KMT2A: variants seen among roughly 807,000 people sequenced by gnomAD.
The protein encoded by KMT2A is histone-lysine N-methyltransferase 2A.
In KMT2A, 16 loss-of-function variants were observed where a neutral mutation model predicts 345.3. That is an observed-to-expected ratio of 0.05 (90% CI 0.03 to 0.07). KMT2A has a LOEUF of 0.07. KMT2A is among the 10% of genes least tolerant of loss of function. The pLI, the probability that KMT2A is intolerant of heterozygous loss-of-function variation, is 1.00. For synonymous variants in KMT2A, 1,599 were observed against 1,778.6 expected, an observed-to-expected ratio of 0.90 and a Z score of 2.54; for missense variants, 3,272 against 4,841.6, an observed-to-expected ratio of 0.68 and a Z score of 9.62.
intron 10 of KMT2A, among the ~76,000 whole-genome samples, chr11:118,485,541 G>C (rs1236600877): frequency 6.6e-6 from 1 of 152,182 alleles, no homozygotes; most frequent in Non-Finnish European, 1.5e-5. Flanking sequence ...GGGACTTTCT[G>C]TTGGTGGAAA....
In KMT2A at chr11:118,483,490, G is replaced by A. The variant is rs891411196; in HGVS notation, c.4087-693G>A. Among the ~76,000 whole-genome samples the A allele has an allele frequency of 8.9e-4, 135 of 152,140 alleles. 1 individual carries two copies. Among genetic ancestry groups the A allele is most frequent in the African/African-American group, 3.0e-3 (125 of 41,524 alleles). On this transcript the variant is annotated intron_variant, in intron 8 of 35. Transcript: ENST00000534358. The stretch of plus-strand genomic sequence containing the variant: ...GGAGCCTGCAGTGAGCCGAGATCGC[G>A]CCACTGCACTCCAGCTTGGGTGACA...
At position 118,436,809 on chromosome 11, in the gene KMT2A, C is replaced by G. The variant is rs782496408; in HGVS notation, c.297C>G (p.Ala99=). ...CTTCGTCTTCGTCATCGTCCTCAGC[C>G]TCTTCAGGGCCGGCCCTGCTCCGGG... ...ASSSSSSSSS[A]SSGPALLRVG... Residue 99 remains alanine (A), a synonymous_variant, in exon 1 of 36, where the codon GCC becomes GCG. Transcript: ENST00000534358. The surrounding 1 kb of genome is among the most constrained non-coding windows in gnomAD (Gnocchi z 6.9). 5 of 1,609,530 alleles carry G rather than the reference C, an allele frequency of 3.1e-6. No homozygotes were observed. The East Asian group carries it at 1.1e-4, about 36-fold the overall frequency.
intron 11 of KMT2A, 41 bp downstream of exon 11, chr11:118,488,801 T>G: frequency 6.3e-7 from 1 of 1,599,306 alleles, no homozygotes; most frequent in Admixed American, 1.7e-5. Flanking sequence ...GGCCTCTGTA[T>G]CAGTGGGTTC....
chr11:118,454,565 T>C (rs1324025601), intron 1 of KMT2A, among the ~76,000 whole-genome samples: 1 of 152,236 alleles, frequency 6.6e-6, no homozygotes, highest in Non-Finnish European at 1.5e-5. Context: ...AAAGCAACCA[T>C]AGGCAATACA....
Position 118,502,307 on chromosome 11 carries a change from T to C in KMT2A, c.6506-91T>C, listed in dbSNP as rs1950512907. On this transcript the variant is annotated intron_variant, in intron 26 of 35. Coordinates refer to ENST00000534358, the MANE Select transcript of KMT2A (RefSeq NM_001197104.2). This position sits in a 1 kb window ranked among gnomAD's most constrained non-coding sequence, Gnocchi z 4.9. ...GTAGATTTCCAGTTACCTATAAATA[T>C]ATATATATATAGTCAAATCATTGAA... 13 of 674,208 alleles carry C rather than the reference T, an allele frequency of 1.9e-5. No homozygotes were observed. Among genetic ancestry groups the C allele is most frequent in the Non-Finnish European group, 3.0e-5 (13 of 430,880 alleles). 41.8% of individuals were successfully genotyped at this position (674,208 alleles called of 1,614,324 possible). A position where few individuals can be genotyped will look rare whatever the true frequency, so the allele number is the denominator to read the frequency against.
rs1312514873 is a variant in KMT2A, at chr11:118,524,381, T to C, written c.*2209T>C. ...CCAGCACTCTCTGCCCCAGGACTCA[T>C]GGCTCTGCTGTGCCTTCCATCCTGG... On this transcript the variant is annotated 3_prime_UTR_variant, in exon 36 of 36. Transcript: ENST00000534358. The C allele has an allele frequency of 1.0e-5, 2 of 192,622 alleles. No homozygotes were observed. Among genetic ancestry groups the C allele is most frequent in the African/African-American group, 2.3e-5 (1 of 43,046 alleles). 11.9% of individuals were successfully genotyped at this position (192,622 alleles called of 1,614,324 possible). A position where few individuals can be genotyped will look rare whatever the true frequency, so the allele number is the denominator to read the frequency against.
Position 118,526,725 on chromosome 11 carries a change from T to A in KMT2A, c.*4553T>A, listed in dbSNP as rs1261443849. On this transcript the variant is annotated 3_prime_UTR_variant, in exon 36 of 36. Coordinates refer to ENST00000534358, the MANE Select transcript of KMT2A (RefSeq NM_001197104.2). Reference sequence around the variant, plus strand: ...AAAGACTGAATGTAAAAGTAAAAAGTGTACATAGTTGTAAAAAAAAGGAGT... The same window carrying A: ...AAAGACTGAATGTAAAAGTAAAAAGAGTACATAGTTGTAAAAAAAAGGAGT... 4.3e-6 allele frequency: 1 copy of A among 230,668 alleles called. No homozygotes were observed. Among genetic ancestry groups the A allele is most frequent in the African/African-American group, 2.2e-5 (1 of 45,224 alleles). 14.3% of individuals were successfully genotyped at this position (230,668 alleles called of 1,614,324 possible). A position where few individuals can be genotyped will look rare whatever the true frequency, so the allele number is the denominator to read the frequency against.
intron 1 of KMT2A, among the ~76,000 whole-genome samples, chr11:118,452,134 T>C (rs2134202180): frequency 6.6e-6 from 1 of 152,314 alleles, no homozygotes; most frequent in African/African-American, 2.4e-5. Flanking sequence ...CTTGAAATCC[T>C]GAGCTTAAGC....
chr11:118,495,790 G>A lies in KMT2A; in HGVS notation c.5454G>A (p.Glu1818=), dbSNP rs2134355165. 6.2e-7 allele frequency: 1 copy of A among 1,614,096 alleles called. No homozygotes were observed. The highest frequency in any genetic ancestry group is 8.5e-7 in the Non-Finnish European group (1 of 1,180,000). ...AGCGAGAGGAAAACAGCCACACTGA[G>A]CAGCCTCCTTTAATGAAGAAAATCA... The part of the protein sequence containing the change: ...WQEREENSHT[E]QPPLMKKIIP... The change falls in exon 19 of 36, where the codon GAG becomes GAA. Residue 1818 remains glutamate (E), a synonymous_variant. Coordinates refer to ENST00000534358, the MANE Select transcript of KMT2A (RefSeq NM_001197104.2). This position sits in a 1 kb window ranked among gnomAD's most constrained non-coding sequence, Gnocchi z 4.1.
chr11:118,462,403 A>C (rs1441291662), intron 1 of KMT2A, among the ~76,000 whole-genome samples: 1 of 152,196 alleles, frequency 6.6e-6, no homozygotes, highest in African/African-American at 2.4e-5. Context: ...GCTCTTTAAC[A>C]TAACAATGAC....
intron 1 of KMT2A, chr11:118,439,000 A>T: frequency 2.1e-6 from 1 of 480,290 alleles, no homozygotes; most frequent in African/African-American, 2.0e-5. Flanking sequence ...TTTTTTTTGA[A>T]AGGCCAATTC....
At chr11:118,518,216 T>C (rs1225816206) in intron 31 of KMT2A, among the ~76,000 whole-genome samples, 1 of 152,240 alleles carries the variant, frequency 6.6e-6, no homozygotes, top group Non-Finnish European at 1.5e-5. Flanking sequence ...ATTAGCTATT[T>C]GCTAGTGTCA....
At chr11:118,453,236 T>G (rs1591354793) in intron 1 of KMT2A, among the ~76,000 whole-genome samples, 1 of 152,212 alleles carries the variant, frequency 6.6e-6, no homozygotes. Context: ...TTTCATTCTT[T>G]CCTCAACTAC....
At chr11:118,464,317 C>T (rs1591366737) in intron 1 of KMT2A, among the ~76,000 whole-genome samples, 1 of 152,298 alleles carries the variant, frequency 6.6e-6, no homozygotes, top group East Asian at 1.9e-4. Flanking sequence ...GGGTGGATCA[C>T]CTGAGGTGAG....
chr11:118,519,077 C>CAA (rs11443977), intron 31 of KMT2A, among the ~76,000 whole-genome samples: 1,568 of 64,628 alleles, frequency 0.024, 41 homozygotes, highest in Admixed American at 0.046. Context: ...GACTCCATCT[C>CAA]AAAAAAAAAA....
intron 1 of KMT2A, among the ~76,000 whole-genome samples, chr11:118,457,171 A>C (rs1949659788): frequency 6.6e-6 from 1 of 151,142 alleles, no homozygotes; most frequent in Non-Finnish European, 1.5e-5. Flanking sequence ...AATCTGCTAT[A>C]GCCTTCAGGA....
rs1949186581 is a variant in KMT2A, at chr11:118,436,645, C to T, written c.133C>T (p.Pro45Ser). Residue 45 changes from proline to serine, a missense_variant, in exon 1 of 36, where the codon CCG (proline) becomes TCG (serine). This residue lies in a region of KMT2A where 412 missense variants were observed against 511.0 expected (regional missense o/e 0.81). Transcript: ENST00000534358. The surrounding 1 kb of genome is among the most constrained non-coding windows in gnomAD (Gnocchi z 6.9). ...VPALLLPPGPPVGGGGPGAPP... is the reference protein window; with the variant it reads ...VPALLLPPGPSVGGGGPGAPP... Reference sequence around the variant, plus strand: ...GGCCCTGCTGCTTCCCCCCGGGCCCCCGGTCGGCGGTGGCGGCCCCGGGGC... The same window carrying T: ...GGCCCTGCTGCTTCCCCCCGGGCCCTCGGTCGGCGGTGGCGGCCCCGGGGC... The T allele has an allele frequency of 8.6e-7, 1 of 1,166,580 alleles. No homozygotes were observed. Among genetic ancestry groups the T allele is most frequent in the Non-Finnish European group, 1.1e-6 (1 of 943,660 alleles). The allele number at this position is 1,166,580 out of a possible 1,614,324, so 72.3% of individuals were successfully genotyped here.
At position 118,521,765 on chromosome 11, in the gene KMT2A, A is replaced by G; in HGVS notation, c.11644-132A>G. On this transcript the variant is annotated intron_variant, in intron 35 of 35. Transcript: ENST00000534358. The surrounding 1 kb of genome is among the most constrained non-coding windows in gnomAD (Gnocchi z 5.3). ...AAGCATCTTGAAAGATAGTACTGGG[A>G]GAAATCTGGAAATTTTACTAGAAGA... 1.1e-6 allele frequency: 1 copy of G among 931,378 alleles called. No individual in the cohort carries two copies. Among genetic ancestry groups the G allele is most frequent in the Non-Finnish European group, 1.6e-6 (1 of 627,102 alleles). The allele number at this position is 931,378 out of a possible 1,614,324, so 57.7% of individuals were successfully genotyped here.
At position 118,484,130 on chromosome 11, in the gene KMT2A, G is replaced by A. The variant is rs782596170; in HGVS notation, c.4087-53G>A. ...ATTTGCATTATTATCTGTTGCAAAT[G>A]TGAAGGCAAATAGGGTGTGATTTTG... On this transcript the variant is annotated intron_variant, in intron 8 of 35. Transcript: ENST00000534358. This position sits in a 1 kb window ranked among gnomAD's most constrained non-coding sequence, Gnocchi z 4.1. 1.9e-6 allele frequency: 3 copies of A among 1,559,792 alleles called. No individual in the cohort carries two copies. The highest frequency in any genetic ancestry group is 1.9e-5 in the Admixed American group (1 of 52,108).
Sources: allele counts gnomAD v4.1 joint callset (sites outside exome capture counted in the v4.1 genomes callset), GRCh38; gene constraint gnomAD v4.1.1; regional missense constraint gnomAD v4.1.1; non-coding constraint Gnocchi (gnomAD v3.1); transcripts MANE v1.5; gene names NCBI Gene and HGNC (gene_info 2026-07-23, HGNC 2026-07-21).